The following VPS13B variants were observed in gnomAD, a reference collection of about 807,000 sequenced individuals.
VPS13B encodes the protein intermembrane lipid transfer protein VPS13B.
A neutral mutation model predicts 426.4 loss-of-function variants in VPS13B; 285 were observed. That is an observed-to-expected ratio of 0.67 (90% CI 0.61 to 0.74). VPS13B has a LOEUF of 0.74. VPS13B is among the 30% of genes least tolerant of loss of function. The pLI, the probability that VPS13B is intolerant of heterozygous loss-of-function variation, is 0.00. For missense variants in VPS13B, 4,537 were observed against 4,782.6 expected, an observed-to-expected ratio of 0.95 and a Z score of 1.51; for synonymous variants, 1,676 against 1,676.4, an observed-to-expected ratio of 1.00 and a Z score of 0.01.
Position 99,853,944 on chromosome 8 carries a change from T to G in VPS13B, c.10555T>G (p.Leu3519Val), listed in dbSNP as rs755371144. Residue 3519 changes from leucine to valine, a missense_variant, in exon 56 of 62, where the codon TTG (leucine) becomes GTG (valine). This residue lies in a region of VPS13B where 4,311 missense variants were observed against 4,474.3 expected (regional missense o/e 0.96). Coordinates refer to ENST00000357162, the MANE Select transcript of VPS13B (RefSeq NM_152564.5). ...CACATTTGTATACTACATCAAGACT[T>G]TGTTTGACACCTACCTTCCTAACAG... Reference protein sequence around the residue: ...EDTFVYYIKTLFDTYLPNSRL... With the variant: ...EDTFVYYIKTVFDTYLPNSRL... 14 of 1,614,228 alleles carry G rather than the reference T, an allele frequency of 8.7e-6. No homozygotes were observed. The highest frequency in any genetic ancestry group is 1.2e-5 in the Non-Finnish European group (14 of 1,180,030).
intron 42 of VPS13B, among the ~76,000 whole-genome samples, chr8:99,781,763 C>A (rs1366512995): frequency 6.6e-6 from 1 of 152,002 alleles, no homozygotes; most frequent in Non-Finnish European, 1.5e-5. Flanking sequence ...CATCTGGTAA[C>A]TTAACCTCTG....
At chr8:99,760,045 C>T (rs1041052830) in intron 39 of VPS13B, among the ~76,000 whole-genome samples, 13 of 151,964 alleles carry the variant, frequency 8.6e-5, no homozygotes, top group East Asian at 7.7e-4. Flanking sequence ...GGCATGATCT[C>T]GGCTCACTTC....
intron 19 of VPS13B, among the ~76,000 whole-genome samples, chr8:99,366,184 A>G (rs190101263): frequency 6.6e-6 from 1 of 152,228 alleles, no homozygotes; most frequent in East Asian, 1.9e-4. Context: ...CCAGTGCTGA[A>G]AGTCGGGTGT....
intron 30 of VPS13B, among the ~76,000 whole-genome samples, chr8:99,544,964 G>C (rs1331283675): frequency 1.3e-5 from 2 of 152,166 alleles, no homozygotes; most frequent in Admixed American, 1.3e-4. Context: ...GGATGCCTAA[G>C]ATCACACAGC....
intron 43 of VPS13B, among the ~76,000 whole-genome samples, chr8:99,796,347 ATT>A (rs201889340): frequency 7.0e-4 from 102 of 146,440 alleles, no homozygotes; most frequent in African/African-American, 2.1e-3. Context: ...ATGAGCATGA[ATT>A]TTTTTTTTTT....
At chr8:99,674,299 T>C (rs1347560763) in intron 35 of VPS13B, among the ~76,000 whole-genome samples, 1 of 152,104 alleles carries the variant, frequency 6.6e-6, no homozygotes, top group Non-Finnish European at 1.5e-5. Flanking sequence ...TACAATGTTA[T>C]GCCGTCTTGC....
chr8:99,691,835 A>AG (rs1831681804), intron 35 of VPS13B, among the ~76,000 whole-genome samples: 1 of 140,494 alleles, frequency 7.1e-6, no homozygotes, highest in Non-Finnish European at 1.5e-5. Context: ...TCAAAATAAA[A>AG]GGATGGAGGA....
chr8:99,178,095 A>G (rs1038415954), intron 16 of VPS13B, among the ~76,000 whole-genome samples: 1 of 151,636 alleles, frequency 6.6e-6, no homozygotes, highest in East Asian at 1.9e-4. Flanking sequence ...TCTTTTTATG[A>G]CTACCTTTAA....
At chr8:99,808,728 A>G (rs1484220413) in intron 43 of VPS13B, among the ~76,000 whole-genome samples, 1 of 151,980 alleles carries the variant, frequency 6.6e-6, no homozygotes, top group South Asian at 2.1e-4. Flanking sequence ...AGACATGGCA[A>G]TGCTACATGA....
At chr8:99,132,081 G>C (rs1220057167) in intron 8 of VPS13B, among the ~76,000 whole-genome samples, 1 of 152,140 alleles carries the variant, frequency 6.6e-6, no homozygotes, top group African/African-American at 2.4e-5. Flanking sequence ...ATTTTTGGTA[G>C]AGATGGGGTT....
chr8:99,691,892 C>T (rs1831686064), intron 35 of VPS13B, among the ~76,000 whole-genome samples: 1 of 147,962 alleles, frequency 6.8e-6, no homozygotes, highest in African/African-American at 2.5e-5. Flanking sequence ...GGGTTGCAAT[C>T]CTAGTCTCTG....
At chr8:99,118,454 C>T (rs1847780818) in intron 7 of VPS13B, among the ~76,000 whole-genome samples, 1 of 152,038 alleles carries the variant, frequency 6.6e-6, no homozygotes, top group South Asian at 2.1e-4. Context: ...TTGAGAAATA[C>T]ATACACCTGT....
At chr8:99,730,714 T>TAGGTAC (rs532443768) in intron 39 of VPS13B, among the ~76,000 whole-genome samples, 1 of 149,842 alleles carries the variant, frequency 6.7e-6, no homozygotes, top group Non-Finnish European at 1.5e-5. Context: ...AAGGTACCTG[T>TAGGTAC]AGGTACAGGT....
intron 17 of VPS13B, among the ~76,000 whole-genome samples, chr8:99,203,499 G>C (rs1814484147): frequency 6.6e-6 from 1 of 152,188 alleles, no homozygotes. Flanking sequence ...CATAGTATTG[G>C]AAGTTCTGGC....
intron 25 of VPS13B, among the ~76,000 whole-genome samples, chr8:99,497,085 T>A (rs1003578363): frequency 1.2e-3 from 176 of 143,838 alleles, no homozygotes; most frequent in African/African-American, 4.2e-3. Flanking sequence ...GTAATATATA[T>A]AAATATATAT....
intron 2 of VPS13B, among the ~76,000 whole-genome samples, chr8:99,027,560 T>C (rs998657083): frequency 1.3e-5 from 2 of 152,132 alleles, no homozygotes; most frequent in South Asian, 2.1e-4. Context: ...AATTACCTCA[T>C]TTTTTGCTTC....
intron 25 of VPS13B, among the ~76,000 whole-genome samples, chr8:99,494,496 T>C (rs551031386): frequency 1.2e-4 from 19 of 152,298 alleles, no homozygotes; most frequent in African/African-American, 4.1e-4. Context: ...TTCTTTATTG[T>C]TTGCTTTTAA....
At chr8:99,014,692 C>CAAAAAA (rs574786628) in intron 2 of VPS13B, among the ~76,000 whole-genome samples, 2 of 61,234 alleles carry the variant, frequency 3.3e-5, no homozygotes, top group African/African-American at 4.5e-5. Context: ...GAAAAAAAGA[C>CAAAAAA]AAAAAAAAAA....
At chr8:99,564,169 C>T (rs1006460920) in intron 31 of VPS13B, among the ~76,000 whole-genome samples, 30 of 152,034 alleles carry the variant, frequency 2.0e-4, no homozygotes, top group Non-Finnish European at 1.8e-4. Flanking sequence ...ATCTTCTGTT[C>T]CTAAAACCTT....
Sources: allele counts gnomAD v4.1 joint callset (sites outside exome capture counted in the v4.1 genomes callset), GRCh38; gene constraint gnomAD v4.1.1; regional missense constraint gnomAD v4.1.1; transcripts MANE v1.5; gene names NCBI Gene and HGNC (gene_info 2026-07-23, HGNC 2026-07-21).